EPS15: variants seen among roughly 807,000 people sequenced by gnomAD.
The protein encoded by EPS15 is epidermal growth factor receptor pathway substrate 15, also known as epidermal growth factor receptor substrate 15.
Under a neutral mutation model 113.8 loss-of-function variants are expected in EPS15, and 72 were observed. That is an observed-to-expected ratio of 0.63 (90% CI 0.52 to 0.77). The LOEUF (loss-of-function observed/expected upper bound fraction) is 0.77. Ranked by LOEUF, EPS15 falls within the 30% of genes least tolerant of loss-of-function variation. EPS15 has a pLI of 0.00. For synonymous variants in EPS15, 344 were observed against 363.4 expected, an observed-to-expected ratio of 0.95 and a Z score of 0.61; for missense variants, 1,048 against 1,045.8, an observed-to-expected ratio of 1.00 and a Z score of -0.03.
chr1:51,513,697 A>G (rs1644665925), intron 1 of EPS15, among the ~76,000 whole-genome samples: 1 of 152,188 alleles, frequency 6.6e-6, no homozygotes, highest in African/African-American at 2.4e-5. Flanking sequence ...AGTATCCTCC[A>G]ATTTGAAATG....
chr1:51,460,077 T>C (rs983392135), intron 8 of EPS15, among the ~76,000 whole-genome samples: 1 of 151,980 alleles, frequency 6.6e-6, no homozygotes, highest in Non-Finnish European at 1.5e-5. Flanking sequence ...CTAGACAAAA[T>C]CAGATTAAGT....
intron 8 of EPS15, among the ~76,000 whole-genome samples, chr1:51,449,210 T>C (rs745892355): frequency 6.6e-6 from 1 of 151,732 alleles, no homozygotes; most frequent in Non-Finnish European, 1.5e-5. Flanking sequence ...AATGGTAGAC[T>C]GGATTAAAAA....
intron 1 of EPS15, among the ~76,000 whole-genome samples, chr1:51,515,639 T>TC (rs1644701912): frequency 6.6e-6 from 1 of 152,206 alleles, no homozygotes; most frequent in Non-Finnish European, 1.5e-5. Flanking sequence ...TCATCCAAGA[T>TC]ATTATCAAAG....
intron 1 of EPS15, among the ~76,000 whole-genome samples, chr1:51,500,464 GT>G (rs200469453): frequency 6.6e-6 from 1 of 152,058 alleles, no homozygotes; most frequent in Admixed American, 6.5e-5. Flanking sequence ...CTAGTTACTG[GT>G]TTTTTTATCA....
chr1:51,369,693 G>A (rs1646601483), intron 21 of EPS15, among the ~76,000 whole-genome samples: 1 of 151,968 alleles, frequency 6.6e-6, no homozygotes, highest in Non-Finnish European at 1.5e-5. Context: ...TTGTGAAGGT[G>A]TACATGAAAA....
chr1:51,438,626 T>C (rs1422780380), intron 12 of EPS15, among the ~76,000 whole-genome samples: 1 of 152,116 alleles, frequency 6.6e-6, no homozygotes, highest in Admixed American at 6.5e-5. Flanking sequence ...TACTATAACA[T>C]GTATATTACA....
At chr1:51,443,231 C>T (rs1345026830) in intron 11 of EPS15, among the ~76,000 whole-genome samples, 1 of 151,492 alleles carries the variant, frequency 6.6e-6, no homozygotes, top group Non-Finnish European at 1.5e-5. Flanking sequence ...TTTTAATTTG[C>T]TTCAGAAATT....
intron 1 of EPS15, among the ~76,000 whole-genome samples, chr1:51,487,402 C>T (rs990668658): frequency 4.6e-5 from 7 of 151,900 alleles, no homozygotes; most frequent in Non-Finnish European, 7.4e-5. Flanking sequence ...TATTGATCTA[C>T]TAATGCAATA....
At position 51,396,710 on chromosome 1, in the gene EPS15, T is replaced by C. The variant is rs773879991; in HGVS notation, c.2053-2263A>G. On this transcript the variant is annotated intron_variant, in intron 20 of 24. Transcript: ENST00000371733. Reference sequence around the variant, plus strand: ...AGGATAGCAGGGGGAACAGGATAGATTGTGCAGCCCATGAAGGAATAAGGG... The same window carrying C: ...AGGATAGCAGGGGGAACAGGATAGACTGTGCAGCCCATGAAGGAATAAGGG... Among the ~76,000 whole-genome samples, 59 of 152,150 alleles carry C rather than the reference T, an allele frequency of 3.9e-4. 1 individual carries two copies. Among genetic ancestry groups the C allele is most frequent in the Non-Finnish European group, 6.6e-4 (45 of 68,030 alleles).
At chr1:51,479,046 G>A (rs1312678114) in intron 2 of EPS15, among the ~76,000 whole-genome samples, 2 of 152,204 alleles carry the variant, frequency 1.3e-5, no homozygotes, top group Non-Finnish European at 2.9e-5. Context: ...ATATCCTGAA[G>A]AGTGTTTTCC....
intron 1 of EPS15, chr1:51,490,276 A>G: frequency 2.2e-6 from 1 of 448,808 alleles, no homozygotes; most frequent in South Asian, 1.6e-5. Context: ...TTACAGTACA[A>G]TGTGGAAGGC....
intron 1 of EPS15, among the ~76,000 whole-genome samples, chr1:51,510,922 T>C (rs904728847): frequency 6.6e-6 from 1 of 151,918 alleles, no homozygotes; most frequent in African/African-American, 2.4e-5. Context: ...CCCAAGCAAT[T>C]TGGGAGGCTG....
intron 8 of EPS15, among the ~76,000 whole-genome samples, chr1:51,455,844 T>C (rs890545649): frequency 6.6e-6 from 1 of 152,068 alleles, no homozygotes; most frequent in Non-Finnish European, 1.5e-5. Flanking sequence ...CATACATATA[T>C]ACATTATACA....
chr1:51,508,233 GAAAAGAAAGAGAGAA>G (rs1410438190), intron 1 of EPS15, among the ~76,000 whole-genome samples: 5 of 69,184 alleles, frequency 7.2e-5, no homozygotes, highest in Non-Finnish European at 9.6e-5. Flanking sequence ...GAAAAGAAAA[GAAAAGAAAGAGAGAA>G]AGAGAGAGAG....
chr1:51,394,295 CA>C, intron 21 of EPS15, 85 bp downstream of exon 21: 1 of 771,002 alleles, frequency 1.3e-6, no homozygotes, highest in Non-Finnish European at 2.1e-6. Flanking sequence ...CTATAAATAA[CA>C]GGACAAATAT....
intron 1 of EPS15, among the ~76,000 whole-genome samples, chr1:51,492,456 GAAGA>G (rs1184196255): frequency 1.3e-5 from 2 of 152,088 alleles, no homozygotes; most frequent in Non-Finnish European, 2.9e-5. Flanking sequence ...AAAAATGAAA[GAAGA>G]AAGGGACTTT....
At chr1:51,435,035 T>C (rs1418816736) in intron 12 of EPS15, among the ~76,000 whole-genome samples, 3 of 151,938 alleles carry the variant, frequency 2.0e-5, no homozygotes, top group African/African-American at 7.3e-5. Flanking sequence ...TAAATTACTA[T>C]GTTATGTGTA....
At chr1:51,495,441 TATA>T (rs569693465) in intron 1 of EPS15, among the ~76,000 whole-genome samples, 204 of 151,898 alleles carry the variant, frequency 1.3e-3, no homozygotes, top group African/African-American at 4.8e-3. Context: ...AGTCAAGAAA[TATA>T]AAAGAATAAC....
chr1:51,395,718 G>T (rs1183533312), intron 20 of EPS15, among the ~76,000 whole-genome samples: 3 of 152,182 alleles, frequency 2.0e-5, no homozygotes, highest in Non-Finnish European at 4.4e-5. Context: ...CAAACAAATT[G>T]TATATCTAGG....
Sources: allele counts gnomAD v4.1 joint callset (sites outside exome capture counted in the v4.1 genomes callset), GRCh38; gene constraint gnomAD v4.1.1; transcripts MANE v1.5; gene names NCBI Gene and HGNC (gene_info 2026-07-23, HGNC 2026-07-21).